Variants in KRT86 observed in about 807,000 individuals in gnomAD.
KRT86 encodes the protein keratin, type II cuticular Hb6.
In KRT86, 30 loss-of-function variants were observed where a neutral mutation model predicts 41.2. That is an observed-to-expected ratio of 0.73 (90% confidence interval 0.54 to 0.99). KRT86 has a LOEUF of 0.99. KRT86 is among the 50% of genes least tolerant of loss of function. The probability of loss-of-function intolerance (pLI) is 0.00; values close to 1 mark genes in which losing one functional copy is unlikely to be tolerated. For synonymous variants in KRT86, 238 were observed against 238.1 expected, an observed-to-expected ratio of 1.00 and a Z score of 0.00; for missense variants, 561 against 571.4, an observed-to-expected ratio of 0.98 and a Z score of 0.19.
At chr12:52,284,916 G>A (rs977855479) in intron 2 of KRT86, among the ~76,000 whole-genome samples, 2 of 152,128 alleles carry the variant, frequency 1.3e-5, no homozygotes, top group Non-Finnish European at 1.5e-5. Context: ...TGGTAACCAC[G>A]GAGGTTTCTC....
Position 52,292,982 on chromosome 12 carries a change from C to T in KRT86, c.-4-8931C>T, listed in dbSNP as rs149979170. ...TTTAAGACCAGAGATGGTGAAACCC[C>T]GTCTCTACTACAAATACAAAAATTA... On this transcript the variant is annotated intron_variant, in intron 2 of 10. Transcript: ENST00000423955. Among the ~76,000 whole-genome samples the T allele has an allele frequency of 4.6e-4, 70 of 152,208 alleles. 1 individual carries two copies. The East Asian group carries it at 0.011, about 25-fold the overall frequency.
At position 52,305,723 on chromosome 12, in the gene KRT86, G is replaced by A; in HGVS notation, c.961G>A (p.Glu321Lys). 6.2e-7 allele frequency: 1 copy of A among 1,614,106 alleles called. No individual in the cohort carries two copies. ...GGAGACCCTGCGCCGCACCAAGGAGGAGATCAACGAGCTGAACCGCATGAT... is the reference window on the plus strand; with the variant it reads ...GGAGACCCTGCGCCGCACCAAGGAGAAGATCAACGAGCTGAACCGCATGAT... Reference protein sequence around the residue: ...HGETLRRTKEEINELNRMIQR... With the variant: ...HGETLRRTKEKINELNRMIQR... The change falls in exon 8 of 11, where the codon GAG becomes AAG. Residue 321 changes from glutamate (E) to lysine (K), a missense_variant. By Grantham distance (56) the Glu-to-Lys change is moderately conservative. Coordinates refer to ENST00000423955, the MANE Select transcript of KRT86 (RefSeq NM_001320198.2).
chr12:52,295,923 C>A (rs565073220), intron 2 of KRT86, among the ~76,000 whole-genome samples: 12 of 152,106 alleles, frequency 7.9e-5, no homozygotes, highest in African/African-American at 2.4e-4. Context: ...GGGTGACCTT[C>A]CTTGCTGGGG....
At chr12:52,300,838 C>T (rs970346663) in intron 2 of KRT86, among the ~76,000 whole-genome samples, 18 of 152,172 alleles carry the variant, frequency 1.2e-4, no homozygotes, top group African/African-American at 4.3e-4. Flanking sequence ...CATCCCAGAC[C>T]TTCTAGGCCC....
intron 2 of KRT86, among the ~76,000 whole-genome samples, chr12:52,276,179 T>G (rs1386677919): frequency 1.3e-5 from 2 of 152,230 alleles, no homozygotes; most frequent in African/African-American, 4.8e-5. Context: ...TGAAGATATA[T>G]GCTTGTTTGT....
In KRT86 at chr12:52,308,447, C is replaced by T. The variant is rs1938568737; in HGVS notation, c.1323C>T (p.Cys441=). The T allele has an allele frequency of 5.6e-6, 9 of 1,611,756 alleles. No homozygotes were observed. Among genetic ancestry groups the T allele is most frequent in the Admixed American group, 1.7e-5 (1 of 59,968 alleles). ...SRGGVVCGDL[C]ASTTAPVVST... Reference sequence around the variant, plus strand: ...GTGGCGTTGTCTGTGGCGATCTCTGCGCCTCCACTACTGCCCCTGTTGTCT... The same window carrying T: ...GTGGCGTTGTCTGTGGCGATCTCTGTGCCTCCACTACTGCCCCTGTTGTCT... The change falls in exon 11 of 11, where the codon TGC becomes TGT. Residue 441 remains cysteine, a synonymous_variant. Transcript: ENST00000423955.
Position 52,305,705 on chromosome 12 carries a change from C to T in KRT86, c.943C>T (p.Leu315=), listed in dbSNP as rs752624557. 58 of 1,613,982 alleles carry T rather than the reference C, an allele frequency of 3.6e-5. No individual in the cohort carries two copies. The highest frequency in any genetic ancestry group is 3.4e-6 in the Non-Finnish European group (4 of 1,179,954). Residue 315 remains leucine, a synonymous_variant, in exon 8 of 11, where the codon CTG becomes TTG. Coordinates refer to ENST00000423955, the MANE Select transcript of KRT86 (RefSeq NM_001320198.2). ...CACGGTGATCAGGCACGGGGAGACC[C>T]TGCGCCGCACCAAGGAGGAGATCAA... is the stretch of plus-strand genomic sequence containing the variant. ...KATVIRHGET[L]RRTKEEINEL...
intron 2 of KRT86, chr12:52,291,165 A>G (rs1464761754): frequency 2.6e-6 from 3 of 1,167,366 alleles, no homozygotes; most frequent in Non-Finnish European, 3.5e-6. Flanking sequence ...TGCTTCACGC[A>G]CTGCGCGTTG....
At chr12:52,288,632 T>C (rs1370962528) in intron 2 of KRT86, among the ~76,000 whole-genome samples, 1 of 152,152 alleles carries the variant, frequency 6.6e-6, no homozygotes, top group Admixed American at 6.5e-5. Flanking sequence ...GTCCCTCTGA[T>C]GACAAACCCT....
intron 2 of KRT86, chr12:52,287,255 C>A (rs760672911): frequency 1.2e-6 from 2 of 1,613,992 alleles, no homozygotes; most frequent in Non-Finnish European, 8.5e-7. Context: ...CAGCTTGCAG[C>A]GGGCATCACT....
intron 2 of KRT86, among the ~76,000 whole-genome samples, chr12:52,281,984 T>A (rs1937783159): frequency 6.6e-6 from 1 of 152,058 alleles, no homozygotes; most frequent in African/African-American, 2.4e-5. Flanking sequence ...CAAGCAATCC[T>A]CCTGCCTCAG....
In KRT86 at chr12:52,305,333, G is replaced by T; in HGVS notation, c.829G>T (p.Glu277Ter). ...RDLNMDCIIA[E>*]IKAQYDDIVT... ...CCTGAACATGGACTGCATCATTGCC[G>T]AGATCAAGGCACAGTACGATGACAT... The change falls in exon 7 of 11, where the codon GAG (glutamate) becomes TAG (stop). Residue 277 changes from glutamate (E) to a stop codon, truncating the protein, a stop_gained. Transcript: ENST00000423955. LOFTEE classifies it high-confidence loss of function. The T allele has an allele frequency of 6.2e-7, 1 of 1,614,224 alleles. No homozygotes were observed. The highest frequency in any genetic ancestry group is 1.1e-5 in the South Asian group (1 of 91,088).
Position 52,308,546 on chromosome 12 carries a change from C to T in KRT86, c.1422C>T (p.Ala474=). The change falls in exon 11 of 11, where the codon GCC becomes GCT. Residue 474 remains alanine (A), a synonymous_variant. Transcript: ENST00000423955. ...VGTTNACAPS[A]RVGVCGGSCK... The stretch of plus-strand genomic sequence containing the variant: ...CTACTAACGCCTGCGCCCCCTCCGC[C>T]CGGGTTGGCGTCTGCGGCGGCAGCT... The T allele has an allele frequency of 1.2e-6, 2 of 1,600,940 alleles. No individual in the cohort carries two copies. The highest frequency in any genetic ancestry group is 1.1e-5 in the South Asian group (1 of 91,080).
At chr12:52,286,080 G>C in intron 2 of KRT86, 1 of 653,742 alleles carries the variant, frequency 1.5e-6, no homozygotes, top group Non-Finnish European at 2.7e-6. Context: ...CCCACTGTGG[G>C]GTGGCAGAGC....
At chr12:52,280,783 G>T (rs1037846013) in intron 2 of KRT86, among the ~76,000 whole-genome samples, 2 of 152,162 alleles carry the variant, frequency 1.3e-5, no homozygotes, top group Non-Finnish European at 2.9e-5. Context: ...CCAGCTCTGT[G>T]CTCCTTGCAT....
intron 2 of KRT86, among the ~76,000 whole-genome samples, chr12:52,296,535 C>T (rs1938254786): frequency 6.6e-6 from 1 of 152,150 alleles, no homozygotes; most frequent in South Asian, 2.1e-4. Context: ...CAGGCTCCAG[C>T]CCCACCCAGG....
At chr12:52,305,947 AAG>A in intron 8 of KRT86, 111 bp from the exon 9 acceptor site, 3 of 1,566,750 alleles carry the variant, frequency 1.9e-6, no homozygotes, top group Non-Finnish European at 2.6e-6. Flanking sequence ...TGATGAAGGC[AAG>A]AGGCTCTGTT....
At chr12:52,295,606 C>T (rs1216683464) in intron 2 of KRT86, among the ~76,000 whole-genome samples, 1 of 152,180 alleles carries the variant, frequency 6.6e-6, no homozygotes, top group Admixed American at 6.5e-5. Context: ...CACCCTTGTT[C>T]TTGGCAAGCT....
intron 2 of KRT86, among the ~76,000 whole-genome samples, chr12:52,278,495 G>A (rs1018865745): frequency 6.9e-6 from 1 of 145,762 alleles, no homozygotes; most frequent in African/African-American, 2.6e-5. Context: ...CAACAAAAGT[G>A]AGTTATATGA....
Sources: allele counts gnomAD v4.1 joint callset (sites outside exome capture counted in the v4.1 genomes callset), GRCh38; gene constraint gnomAD v4.1.1; transcripts MANE v1.5; gene names NCBI Gene and HGNC (gene_info 2026-07-23, HGNC 2026-07-21).